CACNA1E: variants seen among roughly 807,000 people sequenced by gnomAD.
CACNA1E encodes the protein calcium voltage-gated channel subunit alpha1 E.
A neutral mutation model predicts 259.2 loss-of-function variants in CACNA1E; 40 were observed. That is an observed-to-expected ratio of 0.15 (90% confidence interval 0.12 to 0.20). CACNA1E has a LOEUF of 0.20. Ranked by LOEUF, CACNA1E falls within the 10% of genes least tolerant of loss-of-function variation. The probability of loss-of-function intolerance (pLI) is 1.00; values close to 1 mark genes in which losing one functional copy is unlikely to be tolerated. For missense variants in CACNA1E, 1,874 were observed against 3,040.1 expected (o/e 0.62, Z 9.02); for synonymous variants, 1,104 against 1,138.5 (o/e 0.97, Z 0.61).
At chr1:181,572,412 C>T (rs962292347) in intron 3 of CACNA1E, among the ~76,000 whole-genome samples, 1 of 152,186 alleles carries the variant, frequency 6.6e-6, no homozygotes, top group African/African-American at 2.4e-5. Context: ...AAAGTAAAAA[C>T]ATTCAAGGTA....
At chr1:181,578,039 A>G (rs998374837) in intron 4 of CACNA1E, among the ~76,000 whole-genome samples, 170 bp downstream of exon 4, 1 of 152,236 alleles carries the variant, frequency 6.6e-6, no homozygotes, top group African/African-American at 2.4e-5. Context: ...TTTACTTTAC[A>G]TTTAACTTTT....
chr1:181,764,628 A>G (rs1658872488), intron 34 of CACNA1E, among the ~76,000 whole-genome samples: 1 of 152,172 alleles, frequency 6.6e-6, no homozygotes, highest in Non-Finnish European at 1.5e-5. Flanking sequence ...TATCCAGAGA[A>G]AGTGTTTGGC....
chr1:181,779,372 A>G (rs1158202686), intron 38 of CACNA1E: 1 of 347,908 alleles, frequency 2.9e-6, no homozygotes, highest in Non-Finnish European at 6.1e-6. Context: ...CATCCTCTTC[A>G]TGGCTAAGCT....
intron 7 of CACNA1E, among the ~76,000 whole-genome samples, chr1:181,654,057 T>C (rs1351806805): frequency 6.6e-6 from 1 of 151,854 alleles, no homozygotes; most frequent in East Asian, 1.9e-4. Flanking sequence ...TGAGGGAATA[T>C]GAACAATGCA....
intron 7 of CACNA1E, chr1:181,651,679 A>G (rs982170077): frequency 5.2e-6 from 2 of 384,560 alleles, no homozygotes; most frequent in South Asian, 8.3e-5. Flanking sequence ...CACTGAACAC[A>G]GTATGTAGTG....
At chr1:181,497,548 A>G (rs1664867823) in intron 1 of CACNA1E, among the ~76,000 whole-genome samples, 1 of 152,206 alleles carries the variant, frequency 6.6e-6, no homozygotes, top group Admixed American at 6.5e-5. Flanking sequence ...CTATTGTATG[A>G]CAGGCACTCT....
At chr1:181,389,854 T>G (rs1269326323) in intron 1 of CACNA1E, among the ~76,000 whole-genome samples, 6 of 152,162 alleles carry the variant, frequency 3.9e-5, no homozygotes, top group Admixed American at 6.5e-5. Context: ...TGACAAGAGA[T>G]GTGCATAGGT....
In CACNA1E at chr1:181,733,682, C is replaced by G; in HGVS notation, c.3194C>G (p.Thr1065Ser). The change falls in exon 21 of 48, where the codon ACC (threonine) becomes AGC (serine). Residue 1065 changes from threonine to serine, a missense_variant. This residue lies in a region of CACNA1E where 476 missense variants were observed against 514.0 expected (regional missense o/e 0.93). Coordinates refer to ENST00000367573, the MANE Select transcript of CACNA1E (RefSeq NM_001205293.3). The stretch of plus-strand genomic sequence containing the variant: ...ACGGCCAACACGGACAAGGCCACCA[C>G]CGAGAGCACCAGCGTCACCGTCGCC... The part of the protein sequence containing the change: ...CITANTDKAT[T>S]ESTSVTVAIP... 1 of 1,605,830 alleles carries G rather than the reference C, an allele frequency of 6.2e-7. No individual in the cohort carries two copies. Among genetic ancestry groups the G allele is most frequent in the Non-Finnish European group, 8.5e-7 (1 of 1,176,294 alleles).
chr1:181,615,958 T>A (rs758514699), intron 6 of CACNA1E, among the ~76,000 whole-genome samples: 2 of 152,230 alleles, frequency 1.3e-5, no homozygotes, highest in Non-Finnish European at 2.9e-5. Context: ...AGTTGAACTT[T>A]ACTAAATTTT....
At chr1:181,778,851 G>A (rs1488116500) in intron 38 of CACNA1E, among the ~76,000 whole-genome samples, 1 of 152,126 alleles carries the variant, frequency 6.6e-6, no homozygotes, top group Non-Finnish European at 1.5e-5. Flanking sequence ...CAAGCTGAAC[G>A]CAGAAAAATC....
chr1:181,577,699 T>C lies in CACNA1E; in HGVS notation c.513-67T>C. The C allele has an allele frequency of 4.6e-6, 5 of 1,088,378 alleles. No homozygotes were observed. In the Admixed American group the frequency reaches 6.2e-5, roughly 13 times the overall value. 67.4% of individuals were successfully genotyped at this position (1,088,378 alleles called of 1,614,324 possible). A position where few individuals can be genotyped will look rare whatever the true frequency, so the allele number is the denominator to read the frequency against. On this transcript the variant is annotated intron_variant, in intron 3 of 47. Coordinates refer to ENST00000367573, the MANE Select transcript of CACNA1E (RefSeq NM_001205293.3). ...CAGGCTGAGCTTGCCTCAGCCCCGC[T>C]TCCTGCATGGAACAAGAGGGGAAAA...
chr1:181,641,478 T>C (rs116055540), intron 6 of CACNA1E, among the ~76,000 whole-genome samples: 1 of 151,562 alleles, frequency 6.6e-6, no homozygotes, highest in African/African-American at 2.4e-5. Context: ...AATGTCTTCC[T>C]CTGTTGATTG....
chr1:181,343,435 G>A (rs1388632707), intron 1 of CACNA1E, among the ~76,000 whole-genome samples: 1 of 152,014 alleles, frequency 6.6e-6, no homozygotes, highest in African/African-American at 2.4e-5. Flanking sequence ...AGTGACTGTG[G>A]CACCTCTCCC....
chr1:181,490,845 A>C (rs1438726948), intron 1 of CACNA1E, among the ~76,000 whole-genome samples: 6 of 152,138 alleles, frequency 3.9e-5, no homozygotes, highest in Non-Finnish European at 7.4e-5. Flanking sequence ...GAAAGGAAGA[A>C]GTGCTCTGGT....
intron 2 of CACNA1E, among the ~76,000 whole-genome samples, chr1:181,429,960 G>T (rs1659597712): frequency 6.6e-6 from 1 of 152,184 alleles, no homozygotes. Flanking sequence ...GTGCTCATGG[G>T]GCCTGCCCAG....
intron 6 of CACNA1E, 105 bp from the exon 7 acceptor site, chr1:181,651,233 A>G: frequency 2.7e-6 from 2 of 729,396 alleles, no homozygotes; most frequent in Non-Finnish European, 4.8e-6. Context: ...ATTTAACTGT[A>G]TTGCATTGTG....
intron 1 of CACNA1E, among the ~76,000 whole-genome samples, chr1:181,373,736 A>G (rs1460401451): frequency 6.6e-6 from 1 of 151,478 alleles, no homozygotes; most frequent in East Asian, 1.9e-4. Context: ...ACGGGGTTTC[A>G]CCGTGGTCTC....
At chr1:181,355,650 A>G (rs1246390446) in intron 1 of CACNA1E, among the ~76,000 whole-genome samples, 1 of 152,132 alleles carries the variant, frequency 6.6e-6, no homozygotes, top group African/African-American at 2.4e-5. Flanking sequence ...CAATGAGTAC[A>G]AAGTACTTAG....
chr1:181,433,776 A>G (rs900774188), intron 2 of CACNA1E, among the ~76,000 whole-genome samples: 1 of 152,188 alleles, frequency 6.6e-6, no homozygotes, highest in African/African-American at 2.4e-5. Flanking sequence ...TAACAATATC[A>G]TTAAGTATCG....
Sources: allele counts gnomAD v4.1 joint callset (sites outside exome capture counted in the v4.1 genomes callset), GRCh38; gene constraint gnomAD v4.1.1; regional missense constraint gnomAD v4.1.1; transcripts MANE v1.5; gene names NCBI Gene and HGNC (gene_info 2026-07-23, HGNC 2026-07-21).